The following NR3C2 variants were observed in gnomAD, a reference collection of about 807,000 sequenced individuals.
NR3C2 encodes the protein mineralocorticoid receptor.
NR3C2 carries 15 observed loss-of-function variants against 86.4 expected under a neutral mutation model. The ratio of observed to expected loss-of-function variants is 0.17; its 90% CI spans 0.12 to 0.27. The LOEUF is 0.27. NR3C2 is among the 10% of genes least tolerant of loss of function. NR3C2 has a pLI of 1.00. For synonymous variants in NR3C2, 458 were observed against 450.5 expected (o/e 1.02, Z -0.21); for missense variants, 960 against 1,195.6 (o/e 0.80, Z 2.91).
chr4:148,152,648 T>C, intron 5 of NR3C2, 35 bp from the exon 6 acceptor site: 1 of 1,609,322 alleles, frequency 6.2e-7, no homozygotes, highest in East Asian at 2.2e-5. Context: ...AGAAATACAC[T>C]TAGCATTTAA....
intron 3 of NR3C2, among the ~76,000 whole-genome samples, chr4:148,203,975 T>C (rs899541001): frequency 1.2e-4 from 18 of 152,226 alleles, no homozygotes; most frequent in African/African-American, 3.4e-4. Flanking sequence ...CATTTTAATT[T>C]AGAAGTCAGA....
chr4:148,081,514 C>A lies in NR3C2; in HGVS notation c.2800-15G>T. On this transcript the variant is annotated splice_polypyrimidine_tract_variant and intron_variant, in intron 8 of 8. Transcript: ENST00000358102. ...TCGCTCACCAGCTGTAACACAGACA[C>A]AGGGGGCATGACACGGGGGCCTCCT... is the stretch of plus-strand genomic sequence containing the variant. The A allele has an allele frequency of 6.2e-7, 1 of 1,613,920 alleles. No individual in the cohort carries two copies. The highest frequency in any genetic ancestry group is 8.5e-7 in the Non-Finnish European group (1 of 1,179,870).
At chr4:148,258,808 G>A (rs563432199) in intron 3 of NR3C2, among the ~76,000 whole-genome samples, 109 of 152,310 alleles carry the variant, frequency 7.2e-4, no homozygotes, top group Non-Finnish European at 1.4e-3. Context: ...GGACTTTCCA[G>A]TATGTGAGCC....
chr4:148,400,421 C>T (rs952641472), intron 2 of NR3C2, among the ~76,000 whole-genome samples: 7 of 152,084 alleles, frequency 4.6e-5, no homozygotes, highest in Non-Finnish European at 8.8e-5. Flanking sequence ...TGTTCCCAAT[C>T]CATAAGAGAG....
chr4:148,092,764 C>T (rs1032194318), intron 8 of NR3C2, among the ~76,000 whole-genome samples: 28 of 152,282 alleles, frequency 1.8e-4, no homozygotes, highest in Non-Finnish European at 3.1e-4. Flanking sequence ...ACTCCATCCG[C>T]GTGCCATGCC....
chr4:148,081,157 TG>T lies in NR3C2; in HGVS notation c.*186del. 1 of 730,080 alleles carries T rather than the reference TG, an allele frequency of 1.4e-6. No individual in the cohort carries two copies. Among genetic ancestry groups the T allele is most frequent in the Non-Finnish European group, 2.4e-6 (1 of 423,648 alleles). The allele number at this position is 730,080 out of a possible 1,614,324, so 45.2% of individuals were successfully genotyped here. On this transcript the variant is annotated 3_prime_UTR_variant, in exon 9 of 9. Coordinates refer to ENST00000358102, the MANE Select transcript of NR3C2 (RefSeq NM_000901.5). Reference sequence around the variant, plus strand: ...AGGTGGGGAATCCTTCAGACTGCTCTGGTCTCGCCAAATCCACGGAAAAACA... The same window carrying T: ...AGGTGGGGAATCCTTCAGACTGCTCTGTCTCGCCAAATCCACGGAAAAACA...
chr4:148,435,069 C>T, intron 2 of NR3C2, 35 bp downstream of exon 2: 1 of 1,604,576 alleles, frequency 6.2e-7, no homozygotes, highest in East Asian at 2.2e-5. Context: ...TGTATAAAGC[C>T]ATGACTTCCA....
rs1400439410 is a variant in NR3C2 at position 148,081,102 on chromosome 4, G to A, written c.*242C>T. 3.6e-6 allele frequency: 2 copies of A among 549,294 alleles called. No individual in the cohort carries two copies. Among genetic ancestry groups the A allele is most frequent in the Non-Finnish European group, 6.6e-6 (2 of 302,754 alleles). The allele number at this position is 549,294 out of a possible 1,614,324, so 34.0% of individuals were successfully genotyped here. A position where few individuals can be genotyped will look rare whatever the true frequency, so the allele number is the denominator to read the frequency against. On this transcript the variant is annotated 3_prime_UTR_variant, in exon 9 of 9. Coordinates refer to ENST00000358102, the MANE Select transcript of NR3C2 (RefSeq NM_000901.5). ...ATATGGCTTTTCATCCCGAGGAACA[G>A]GAACATGTTTCTAAGCGCTGGGGGA...
Position 148,412,414 on chromosome 4 carries a change from T to TA in NR3C2, c.1757+22689dup, listed in dbSNP as rs1560718588. On this transcript the variant is annotated intron_variant, in intron 2 of 8. Transcript: ENST00000358102. ...ACTATATTAGAATACATAAGTGAAG[T>TA]AAAAAAAGATCAAGCTGGAATTCTA... Among the ~76,000 whole-genome samples the TA allele has an allele frequency of 2.0e-5, 3 of 152,202 alleles. 1 individual carries two copies. Among genetic ancestry groups the TA allele is most frequent in the South Asian group, 4.1e-4 (2 of 4,822 alleles).
At chr4:148,136,701 C>A (rs1733363214) in intron 6 of NR3C2, among the ~76,000 whole-genome samples, 1 of 152,026 alleles carries the variant, frequency 6.6e-6, no homozygotes, top group South Asian at 2.1e-4. Context: ...GGCTGGAGTG[C>A]AATGGCGCAA....
intron 6 of NR3C2, among the ~76,000 whole-genome samples, chr4:148,121,802 CTAAGT>C (rs1157433661): frequency 6.6e-6 from 1 of 152,184 alleles, no homozygotes; most frequent in Non-Finnish European, 1.5e-5. Context: ...ATACAGGTAA[CTAAGT>C]TAATTCATTT....
chr4:148,214,331 T>C (rs1009858563), intron 3 of NR3C2, among the ~76,000 whole-genome samples: 3 of 152,170 alleles, frequency 2.0e-5, no homozygotes, highest in African/African-American at 7.2e-5. Flanking sequence ...TACCATATTG[T>C]CTAGGCAGTT....
At chr4:148,379,466 A>T (rs908370278) in intron 2 of NR3C2, among the ~76,000 whole-genome samples, 8 of 152,188 alleles carry the variant, frequency 5.3e-5, no homozygotes, top group African/African-American at 1.9e-4. Context: ...CCCACCGGGG[A>T]TGAGCCAGGA....
intron 8 of NR3C2, among the ~76,000 whole-genome samples, chr4:148,082,736 G>T (rs1283857004): frequency 6.8e-6 from 1 of 146,236 alleles, no homozygotes; most frequent in African/African-American, 2.5e-5. Context: ...CACTTCCCTA[G>T]AAAGGGGGCC....
At chr4:148,210,878 T>C (rs773919515) in intron 3 of NR3C2, among the ~76,000 whole-genome samples, 58 of 152,256 alleles carry the variant, frequency 3.8e-4, no homozygotes, top group Non-Finnish European at 7.2e-4. Flanking sequence ...CCTTTCTAAG[T>C]TTCTTCCCTC....
intron 4 of NR3C2, among the ~76,000 whole-genome samples, chr4:148,161,645 A>G (rs1484844016): frequency 6.6e-6 from 1 of 152,150 alleles, no homozygotes; most frequent in East Asian, 1.9e-4. Flanking sequence ...GTGTAAAGCT[A>G]TCCACAGATA....
At chr4:148,385,707 C>T (rs749096781) in intron 2 of NR3C2, among the ~76,000 whole-genome samples, 2 of 152,128 alleles carry the variant, frequency 1.3e-5, no homozygotes, top group South Asian at 2.1e-4. Context: ...AGAATCTCCA[C>T]AGAGGTCCTC....
chr4:148,292,297 G>A (rs1741834287), intron 2 of NR3C2, among the ~76,000 whole-genome samples: 1 of 151,768 alleles, frequency 6.6e-6, no homozygotes, highest in Admixed American at 6.6e-5. Context: ...GATATTTTCT[G>A]TAAGAAATAT....
chr4:148,318,122 G>A (rs1030568769), intron 2 of NR3C2, among the ~76,000 whole-genome samples: 22 of 149,280 alleles, frequency 1.5e-4, no homozygotes, highest in African/African-American at 4.5e-4. Flanking sequence ...GAGAATATGC[G>A]GTGTTTGGTT....
Sources: gnomAD v4.1 joint callset for allele counts (sites outside exome capture counted in the v4.1 genomes callset) on GRCh38, gnomAD v4.1.1 for gene constraint, MANE v1.5 for transcripts, NCBI Gene and HGNC (gene_info 2026-07-23, HGNC 2026-07-21) for gene names.